The following TXNDC15 variants were observed in gnomAD, a reference collection of about 807,000 sequenced individuals.
The protein encoded by TXNDC15 is thioredoxin domain containing 15, also known as thioredoxin domain-containing protein 15.
Under a neutral mutation model 35.0 loss-of-function variants are expected in TXNDC15, and 24 were observed. The ratio of observed to expected loss-of-function variants is 0.68; its 90% CI spans 0.50 to 0.96. The LOEUF (loss-of-function observed/expected upper bound fraction) is 0.96. TXNDC15 is among the 40% of genes least tolerant of loss of function. The pLI, the probability that TXNDC15 is intolerant of heterozygous loss-of-function variation, is 0.00. For synonymous variants in TXNDC15, 169 were observed against 174.0 expected (o/e 0.97, Z 0.23); for missense variants, 385 against 453.3 (o/e 0.85, Z 1.37).
chr5:134,893,526 A>G lies in TXNDC15; in HGVS notation c.626A>G (p.Asp209Gly). 1.2e-6 allele frequency: 2 copies of G among 1,614,140 alleles called. No homozygotes were observed. The highest frequency in any genetic ancestry group is 1.7e-6 in the Non-Finnish European group (2 of 1,180,024). Reference sequence around the variant, plus strand: ...GATTTTCTGAACCCAAACGGTAGTGACTGTACTCTAGTCCTGTTTTACACC... The same window carrying G: ...GATTTTCTGAACCCAAACGGTAGTGGCTGTACTCTAGTCCTGTTTTACACC... ...LMDFLNPNGS[D>G]CTLVLFYTPW... is the part of the protein sequence containing the mutation. The change falls in exon 3 of 5, where the codon GAC (aspartate) becomes GGC (glycine). Residue 209 changes from aspartate to glycine, a missense_variant. Asp to Gly is a moderately conservative substitution (Grantham distance 94). Coordinates refer to ENST00000358387, the MANE Select transcript of TXNDC15 (RefSeq NM_024715.4).
Position 134,899,754 on chromosome 5 carries a change from A to G in TXNDC15, c.*69A>G. 1 of 1,312,938 alleles carries G rather than the reference A, an allele frequency of 7.6e-7. No individual in the cohort carries two copies. The highest frequency in any genetic ancestry group is 1.0e-6 in the Non-Finnish European group (1 of 962,512). 81.3% of individuals were successfully genotyped at this position (1,312,938 alleles called of 1,614,324 possible). ...TTTCAGAAATTAGTGCTACAGTTTC[A>G]TACATTTTCTCCAGTGACGTGTTGA... is the stretch of plus-strand genomic sequence containing the variant. On this transcript the variant is annotated 3_prime_UTR_variant, in exon 5 of 5. Transcript: ENST00000358387.
At chr5:134,889,731 G>C (rs1014770253) in intron 2 of TXNDC15, among the ~76,000 whole-genome samples, 11 of 152,184 alleles carry the variant, frequency 7.2e-5, no homozygotes, top group Non-Finnish European at 1.5e-5. Flanking sequence ...ATACCTCAAA[G>C]ATACTACAGG....
chr5:134,880,039 G>T (rs1200824666), intron 1 of TXNDC15, among the ~76,000 whole-genome samples: 1 of 151,844 alleles, frequency 6.6e-6, no homozygotes, highest in Non-Finnish European at 1.5e-5. Context: ...CAAGGGATCC[G>T]CCCTCCTTGG....
intron 1 of TXNDC15, among the ~76,000 whole-genome samples, chr5:134,884,703 T>C (rs978819907): frequency 6.6e-6 from 1 of 151,990 alleles, no homozygotes; most frequent in Non-Finnish European, 1.5e-5. Context: ...TGATATCTAC[T>C]TTACTTTTTG....
chr5:134,895,619 T>C (rs1750474337), intron 3 of TXNDC15, among the ~76,000 whole-genome samples: 1 of 152,232 alleles, frequency 6.6e-6, no homozygotes, highest in Admixed American at 6.5e-5. Context: ...ATCCTGGTTA[T>C]ACACTATTAC....
chr5:134,874,450 G>C lies in TXNDC15; in HGVS notation c.23G>C (p.Arg8Pro). Residue 8 changes from arginine (R) to proline (P), a missense_variant, in exon 1 of 5, where the codon CGA becomes CCA. Transcript: ENST00000358387. MVPAAGR[R>P]PPRVMRLLGW... is the part of the protein sequence containing the mutation. ...GCAATGGTCCCGGCTGCCGGTCGAC[G>C]ACCGCCCCGCGTCATGCGGCTCCTC... 2.5e-6 allele frequency: 4 copies of C among 1,602,550 alleles called. No individual in the cohort carries two copies. The highest frequency in any genetic ancestry group is 3.4e-6 in the Non-Finnish European group (4 of 1,177,050).
chr5:134,888,486 A>T (rs916815962), intron 2 of TXNDC15, among the ~76,000 whole-genome samples: 1 of 152,126 alleles, frequency 6.6e-6, no homozygotes, highest in African/African-American at 2.4e-5. Flanking sequence ...CCAAAATCAT[A>T]GCATTTTTCC....
At chr5:134,884,375 A>G (rs925263961) in intron 1 of TXNDC15, among the ~76,000 whole-genome samples, 3 of 148,688 alleles carry the variant, frequency 2.0e-5, no homozygotes, top group Non-Finnish European at 4.5e-5. Flanking sequence ...CAGCCTCCCA[A>G]AAAGCTGGGA....
chr5:134,876,020 A>G (rs1221421828), intron 1 of TXNDC15, among the ~76,000 whole-genome samples: 1 of 152,212 alleles, frequency 6.6e-6, no homozygotes, highest in Non-Finnish European at 1.5e-5. Context: ...CTCATTTTAT[A>G]GAAGTAACTT....
chr5:134,874,247 G>A (rs138842332), upstream of TXNDC15: 670 of 567,170 alleles, frequency 1.2e-3, 6 homozygotes, highest in African/African-American at 0.012. Context: ...CCAGTCCAGC[G>A]CCGACGGCCA....
intron 2 of TXNDC15, among the ~76,000 whole-genome samples, chr5:134,889,081 G>A (rs1032769886): frequency 6.6e-6 from 1 of 152,362 alleles, no homozygotes; most frequent in Non-Finnish European, 1.5e-5. Flanking sequence ...CAAGGGCAGT[G>A]CTCGGCGCTG....
rs777340261 is a variant in TXNDC15 at position 134,887,796 on chromosome 5, A to T, written c.205A>T (p.Met69Leu). ...TGAGGAGGAGCTCCTGCATGACCCG[A>T]TGGGCCAGGACAGGGCAGCAGAAGA... ...LGEEELLHDPMGQDRAAEEAN... is the reference protein window; with the variant it reads ...LGEEELLHDPLGQDRAAEEAN... Residue 69 changes from methionine to leucine, a missense_variant, in exon 2 of 5, where the codon ATG becomes TTG. Met to Leu is a conservative substitution (Grantham distance 15, BLOSUM62 2). Transcript: ENST00000358387. 36 of 1,614,058 alleles carry T rather than the reference A, an allele frequency of 2.2e-5. No individual in the cohort carries two copies. Among genetic ancestry groups the T allele is most frequent in the Non-Finnish European group, 3.1e-5 (36 of 1,180,018 alleles).
At chr5:134,876,324 G>A (rs1327589493) in intron 1 of TXNDC15, among the ~76,000 whole-genome samples, 3 of 152,120 alleles carry the variant, frequency 2.0e-5, no homozygotes, top group African/African-American at 2.4e-5. Flanking sequence ...GATTCTCTCC[G>A]CTCCCTCCCT....
intron 2 of TXNDC15, chr5:134,892,256 G>A (rs1425180098): frequency 6.6e-6 from 1 of 151,974 alleles, no homozygotes; most frequent in South Asian, 2.1e-4. Context: ...ATGTTCTGGA[G>A]ACAGCTTCTT....
At chr5:134,893,156 A>G in intron 2 of TXNDC15, 1 of 186,182 alleles carries the variant, frequency 5.4e-6, no homozygotes, top group Non-Finnish European at 1.1e-5. Flanking sequence ...GAAATGCAGT[A>G]AAATGAGGTA....
chr5:134,899,529 C>A lies in TXNDC15; in HGVS notation c.927C>A (p.Asp309Glu). 1 of 1,613,598 alleles carries A rather than the reference C, an allele frequency of 6.2e-7. No individual in the cohort carries two copies. The highest frequency in any genetic ancestry group is 8.5e-7 in the Non-Finnish European group (1 of 1,179,912). ...AKKNVVVTQA[D>E]QIGPLPSTLI... Reference sequence around the variant, plus strand: ...AGAATGTGGTGGTAACTCAAGCCGACCAAATAGGCCCTCTTCCCAGCACTT... The same window carrying A: ...AGAATGTGGTGGTAACTCAAGCCGAACAAATAGGCCCTCTTCCCAGCACTT... Residue 309 changes from aspartate (D) to glutamate (E), a missense_variant, in exon 5 of 5, where the codon GAC becomes GAA. Asp to Glu is a conservative substitution (Grantham distance 45). Coordinates refer to ENST00000358387, the MANE Select transcript of TXNDC15 (RefSeq NM_024715.4).
At chr5:134,887,350 A>G (rs1750295763) in intron 1 of TXNDC15, among the ~76,000 whole-genome samples, 1 of 151,940 alleles carries the variant, frequency 6.6e-6, no homozygotes, top group South Asian at 2.1e-4. Flanking sequence ...ATGCCCGGCT[A>G]ATTTTTATAT....
rs74801243 is a variant in TXNDC15, at chr5:134,876,962, G to T, written c.103+2432G>T. ...GCTAAACACTGTGCTGAGCACTGGG[G>T]ATCCAGTGGTGAGTTAGAGCAGCAG... On this transcript the variant is annotated intron_variant, in intron 1 of 4. Coordinates refer to ENST00000358387, the MANE Select transcript of TXNDC15 (RefSeq NM_024715.4). Among the ~76,000 whole-genome samples the T allele has an allele frequency of 3.4e-3, 510 of 152,232 alleles. 8 individuals carry two copies. The East Asian group carries it at 0.037, about 11-fold the overall frequency.
chr5:134,895,801 T>G (rs1750478458), intron 3 of TXNDC15, among the ~76,000 whole-genome samples: 1 of 152,242 alleles, frequency 6.6e-6, no homozygotes. Context: ...GTTATATTCC[T>G]TCTAAACAAG....
Sources: gnomAD v4.1 joint callset for allele counts (sites outside exome capture counted in the v4.1 genomes callset) on GRCh38, gnomAD v4.1.1 for gene constraint, MANE v1.5 for transcripts, NCBI Gene and HGNC (gene_info 2026-07-23, HGNC 2026-07-21) for gene names.